The following AKAP6 variants were observed in gnomAD, a reference collection of about 807,000 sequenced individuals.
AKAP6 encodes A-kinase anchor protein 6.
In AKAP6, 58 loss-of-function variants were observed where a neutral mutation model predicts 188.5. That is an observed-to-expected ratio of 0.31 (90% CI 0.25 to 0.38). AKAP6 has a LOEUF of 0.38. Among genes scored for constraint, AKAP6 ranks in the 10% least tolerant of loss-of-function variants. The pLI is 1.00. For missense variants in AKAP6, 2,710 were observed against 2,740.0 expected, an observed-to-expected ratio of 0.99 and a Z score of 0.24; for synonymous variants, 989 against 998.6, an observed-to-expected ratio of 0.99 and a Z score of 0.18.
At chr14:32,816,306 C>T (rs1052311570) in intron 12 of AKAP6, among the ~76,000 whole-genome samples, 3 of 151,978 alleles carry the variant, frequency 2.0e-5, no homozygotes, top group African/African-American at 4.8e-5. Flanking sequence ...AATCCTTCCA[C>T]CTCAGCCTCC....
At chr14:32,717,195 T>C (rs1449710127) in intron 9 of AKAP6, among the ~76,000 whole-genome samples, 4 of 152,138 alleles carry the variant, frequency 2.6e-5, no homozygotes, top group African/African-American at 9.7e-5. Context: ...TACTCACATC[T>C]TCTTGAAAAG....
intron 2 of AKAP6, among the ~76,000 whole-genome samples, chr14:32,513,617 CTG>C (rs1375477286): frequency 6.6e-6 from 1 of 152,172 alleles, no homozygotes; most frequent in African/African-American, 2.4e-5. Flanking sequence ...CATTCCCTGA[CTG>C]TTGTTTTGCC....
At chr14:32,570,312 C>CT (rs61588258) in intron 4 of AKAP6, among the ~76,000 whole-genome samples, 35 of 147,198 alleles carry the variant, frequency 2.4e-4, no homozygotes, top group Non-Finnish European at 3.9e-4. Context: ...TGTATTTTTT[C>CT]TTTTTTTTTT....
intron 1 of AKAP6, among the ~76,000 whole-genome samples, chr14:32,339,227 G>A (rs887270326): frequency 6.6e-6 from 1 of 152,138 alleles, no homozygotes; most frequent in African/African-American, 2.4e-5. Flanking sequence ...TGTTACGAGA[G>A]TAAATGAATC....
At position 32,836,854 on chromosome 14, in the gene AKAP6, A is replaced by C. The variant is rs1251686368; in HGVS notation, c.*7049A>C. On this transcript the variant is annotated 3_prime_UTR_variant, in exon 14 of 14. Coordinates refer to ENST00000280979, the MANE Select transcript of AKAP6 (RefSeq NM_004274.5). The stretch of plus-strand genomic sequence containing the variant: ...TGCCCCAGGTAATCCACAGGCACAA[A>C]GAACTTGAGCTTCCTGGTGTGTTCT... 6.6e-6 allele frequency: 1 copy of C among 152,222 alleles called. No homozygotes were observed. Among genetic ancestry groups the C allele is most frequent in the Non-Finnish European group, 1.5e-5 (1 of 68,042 alleles). 9.4% of individuals were successfully genotyped at this position (152,222 alleles called of 1,614,324 possible).
At chr14:32,550,361 A>G (rs992034396) in intron 4 of AKAP6, among the ~76,000 whole-genome samples, 2 of 152,210 alleles carry the variant, frequency 1.3e-5, no homozygotes, top group African/African-American at 4.8e-5. Flanking sequence ...TAGGCAGTTG[A>G]AAAATCCCAT....
intron 1 of AKAP6, among the ~76,000 whole-genome samples, chr14:32,407,919 C>A (rs1166990274): frequency 2.0e-5 from 3 of 152,182 alleles, no homozygotes. Flanking sequence ...TAGAAACATC[C>A]TACGGCACAG....
At chr14:32,575,301 T>A (rs1884666690) in intron 4 of AKAP6, among the ~76,000 whole-genome samples, 1 of 152,050 alleles carries the variant, frequency 6.6e-6, no homozygotes, top group Non-Finnish European at 1.5e-5. Context: ...AGAGTTGCAA[T>A]ATGAGAAAAT....
Position 32,445,875 on chromosome 14 carries a change from A to C in AKAP6, c.324+12058A>C, listed in dbSNP as rs1473219953. Among the ~76,000 whole-genome samples, 3 of 152,312 alleles carry C rather than the reference A, an allele frequency of 2.0e-5. No homozygotes were observed. In the East Asian group the frequency reaches 5.8e-4, roughly 29 times the overall value. On this transcript the variant is annotated intron_variant, in intron 2 of 13. Coordinates refer to ENST00000280979, the MANE Select transcript of AKAP6 (RefSeq NM_004274.5). The stretch of plus-strand genomic sequence containing the variant: ...TTTATTTTGTTGATTAAATACATAC[A>C]AACTAACAGACTTTAAATAATTGGC...
intron 2 of AKAP6, among the ~76,000 whole-genome samples, chr14:32,465,228 GA>G (rs1295200765): frequency 6.6e-6 from 1 of 152,052 alleles, no homozygotes; most frequent in Non-Finnish European, 1.5e-5. Context: ...TGCAGAATTA[GA>G]AAAAACTACT....
intron 1 of AKAP6, among the ~76,000 whole-genome samples, chr14:32,389,458 T>C (rs1011845211): frequency 1.3e-5 from 2 of 152,172 alleles, no homozygotes; most frequent in Non-Finnish European, 2.9e-5. Context: ...ATTTATGCTT[T>C]AAAGAAGTTC....
At chr14:32,489,190 A>G (rs114213678) in intron 2 of AKAP6, among the ~76,000 whole-genome samples, 2 of 152,140 alleles carry the variant, frequency 1.3e-5, no homozygotes, top group African/African-American at 4.8e-5. Flanking sequence ...AACAATATGT[A>G]TTCCCTTTTT....
At position 32,692,455 on chromosome 14, in the gene AKAP6, A is replaced by T. The variant is rs550919233; in HGVS notation, c.2880-3535A>T. On this transcript the variant is annotated intron_variant, in intron 8 of 13. Transcript: ENST00000280979. ...AGGTGAAAGGAAGGGGAAGGCAATT[A>T]ACATTGATTTAACATCTACTACATA... Among the ~76,000 whole-genome samples the T allele has an allele frequency of 8.7e-4, 132 of 152,342 alleles. 1 individual carries two copies. The Middle Eastern group carries it at 0.01, about 12-fold the overall frequency.
intron 11 of AKAP6, among the ~76,000 whole-genome samples, chr14:32,739,048 G>A (rs896895884): frequency 6.6e-6 from 1 of 152,054 alleles, no homozygotes; most frequent in Non-Finnish European, 1.5e-5. Context: ...AAAGAAAGGA[G>A]ACCATGCTAC....
intron 1 of AKAP6, among the ~76,000 whole-genome samples, chr14:32,340,761 A>G (rs928898130): frequency 6.6e-6 from 1 of 152,374 alleles, no homozygotes; most frequent in South Asian, 2.1e-4. Context: ...GTCCAAGGTC[A>G]AGGTACCAAA....
intron 7 of AKAP6, among the ~76,000 whole-genome samples, chr14:32,667,941 G>C (rs1040914485): frequency 1.3e-5 from 2 of 152,038 alleles, no homozygotes; most frequent in Non-Finnish European, 2.9e-5. Context: ...ATTGTACTTA[G>C]GAAGGAAGTG....
At chr14:32,829,008 A>G (rs1485350708) in intron 13 of AKAP6, among the ~76,000 whole-genome samples, 1 of 152,218 alleles carries the variant, frequency 6.6e-6, no homozygotes, top group Non-Finnish European at 1.5e-5. Flanking sequence ...GAGAAATCAG[A>G]ACTCAGTTTA....
At position 32,380,902 on chromosome 14, in the gene AKAP6, T is replaced by C. The variant is rs185611247; in HGVS notation, c.-35+51494T>C. 1.6e-4 allele frequency among the ~76,000 whole-genome samples: 24 copies of C among 152,304 alleles called. No homozygotes were observed. The East Asian group carries it at 3.9e-3, about 24-fold the overall frequency. On this transcript the variant is annotated intron_variant, in intron 1 of 13. Coordinates refer to ENST00000280979, the MANE Select transcript of AKAP6 (RefSeq NM_004274.5). ...CCCTCTTACAAAAGAGTTTTTTTTTTCCTTAGTGTTTTTAGCAGGCCTTAT... is the reference window on the plus strand; with the variant it reads ...CCCTCTTACAAAAGAGTTTTTTTTTCCCTTAGTGTTTTTAGCAGGCCTTAT...
intron 4 of AKAP6, among the ~76,000 whole-genome samples, chr14:32,572,756 G>A (rs1037346691): frequency 3.9e-5 from 6 of 152,076 alleles, no homozygotes; most frequent in African/African-American, 1.4e-4. Flanking sequence ...GTACTTTCAC[G>A]GTGCTTCTTA....
Sources: gnomAD v4.1 joint callset for allele counts (sites outside exome capture counted in the v4.1 genomes callset) on GRCh38, gnomAD v4.1.1 for gene constraint, MANE v1.5 for transcripts, NCBI Gene and HGNC (gene_info 2026-07-23, HGNC 2026-07-21) for gene names.